Variants in CSGALNACT1 observed in about 807,000 individuals in gnomAD.
The protein encoded by CSGALNACT1 is beta4GalNAcT-1.
A neutral mutation model predicts 51.0 loss-of-function variants in CSGALNACT1; 52 were observed. The observed-to-expected ratio is 1.02, with a 90% CI of 0.82 to 1.29. The LOEUF is 1.29. CSGALNACT1 is among the 50% of genes most tolerant of loss of function. The pLI is 0.00. For missense variants in CSGALNACT1, 935 were observed against 679.2 expected (o/e 1.38, Z -4.19); for synonymous variants, 341 against 254.4 (o/e 1.34, Z -3.24).
At chr8:19,409,515 AG>A in intron 8 of CSGALNACT1, among the ~76,000 whole-genome samples, 2 of 152,134 alleles carry the variant, frequency 1.3e-5, no homozygotes, top group Non-Finnish European at 2.9e-5. Flanking sequence ...AGAGAGAGAG[AG>A]AGAGAAACAC....
chr8:19,544,072 TA>T (rs2085902644), intron 3 of CSGALNACT1, among the ~76,000 whole-genome samples: 1 of 148,606 alleles, frequency 6.7e-6, no homozygotes, highest in Non-Finnish European at 1.5e-5. Context: ...TGTGGGGACA[TA>T]ACTTTTTTTT....
chr8:19,724,972 C>A (rs1226643864), intron 1 of CSGALNACT1, among the ~76,000 whole-genome samples: 1 of 152,188 alleles, frequency 6.6e-6, no homozygotes, highest in African/African-American at 2.4e-5. Flanking sequence ...CTCTGAGAGC[C>A]CTGCTGCCCC....
chr8:19,689,815 G>T (rs546064911), intron 1 of CSGALNACT1, among the ~76,000 whole-genome samples: 8 of 152,306 alleles, frequency 5.3e-5, no homozygotes, highest in African/African-American at 1.7e-4. Flanking sequence ...TTAGCATAAA[G>T]AAGTCCCCTG....
intron 1 of CSGALNACT1, among the ~76,000 whole-genome samples, chr8:19,692,307 A>G (rs1474743864): frequency 6.6e-6 from 1 of 152,218 alleles, no homozygotes; most frequent in African/African-American, 2.4e-5. Context: ...AGCCTCCTGC[A>G]ATGTTACCTG....
intron 6 of CSGALNACT1, among the ~76,000 whole-genome samples, chr8:19,439,127 C>G (rs1462218419): frequency 6.6e-6 from 1 of 152,222 alleles, no homozygotes; most frequent in Non-Finnish European, 1.5e-5. Flanking sequence ...GGCTTACATA[C>G]TGGTAGAAGA....
chr8:19,449,191 G>A (rs2062650654), intron 5 of CSGALNACT1, among the ~76,000 whole-genome samples: 1 of 152,090 alleles, frequency 6.6e-6, no homozygotes, highest in Non-Finnish European at 1.5e-5. Flanking sequence ...TTGGATGGAT[G>A]TTCATACATA....
At chr8:19,667,305 C>G (rs1468543965) in intron 1 of CSGALNACT1, among the ~76,000 whole-genome samples, 2 of 150,844 alleles carry the variant, frequency 1.3e-5, no homozygotes, top group East Asian at 1.9e-4. Flanking sequence ...TGTTGTGGCA[C>G]ATGCCCCTCA....
chr8:19,507,709 T>A (rs550052056), intron 3 of CSGALNACT1, among the ~76,000 whole-genome samples: 2 of 152,234 alleles, frequency 1.3e-5, no homozygotes, highest in East Asian at 3.9e-4. Context: ...CTCACTGCCA[T>A]CTCTGCCTCC....
At chr8:19,616,034 G>A (rs1450868344) in intron 1 of CSGALNACT1, among the ~76,000 whole-genome samples, 1 of 152,036 alleles carries the variant, frequency 6.6e-6, no homozygotes, top group Non-Finnish European at 1.5e-5. Context: ...AGACACTGTG[G>A]ATATACAAGA....
At chr8:19,578,006 T>C (rs2044671350) in intron 3 of CSGALNACT1, among the ~76,000 whole-genome samples, 1 of 152,186 alleles carries the variant, frequency 6.6e-6, no homozygotes, top group African/African-American at 2.4e-5. Flanking sequence ...CCACACTGAC[T>C]GGAGCAATGG....
chr8:19,684,291 G>A (rs79115865), upstream of CSGALNACT1, among the ~76,000 whole-genome samples: 1 of 152,134 alleles, frequency 6.6e-6, no homozygotes, highest in African/African-American at 2.4e-5. Context: ...ATATGGTAAA[G>A]GTGGCATTTC....
chr8:19,477,618 G>T (rs2070082489), intron 4 of CSGALNACT1, among the ~76,000 whole-genome samples: 1 of 152,126 alleles, frequency 6.6e-6, no homozygotes, highest in Non-Finnish European at 1.5e-5. Context: ...AAACTAAATG[G>T]TCTTCATATC....
intron 1 of CSGALNACT1, among the ~76,000 whole-genome samples, chr8:19,669,011 C>T (rs944543502): frequency 6.6e-6 from 1 of 152,204 alleles, no homozygotes; most frequent in Admixed American, 6.5e-5. Flanking sequence ...AGAAAAACAA[C>T]TTATTACAGA....
intron 1 of CSGALNACT1, among the ~76,000 whole-genome samples, chr8:19,635,811 T>G (rs1330938755): frequency 6.6e-6 from 1 of 152,146 alleles, no homozygotes; most frequent in Non-Finnish European, 1.5e-5. Context: ...CATTGCAACC[T>G]CTGCCTCCCG....
intron 1 of CSGALNACT1, among the ~76,000 whole-genome samples, chr8:19,656,548 C>T (rs1245953581): frequency 3.3e-5 from 5 of 151,414 alleles, no homozygotes; most frequent in South Asian, 4.2e-4. Flanking sequence ...CACGTGTACG[C>T]GCATGCACAC....
chr8:19,644,709 CAAA>C (rs756025465), intron 1 of CSGALNACT1, among the ~76,000 whole-genome samples: 2 of 22,272 alleles, frequency 9.0e-5, no homozygotes, highest in Non-Finnish European at 1.9e-4. Context: ...GACTCCGTCT[CAAA>C]AAAAAAAAAA....
rs1202186669 is a variant in CSGALNACT1, at chr8:19,501,618, C to G, written c.634+3583G>C. On this transcript the variant is annotated intron_variant, in intron 4 of 9. Coordinates refer to ENST00000454498, the Ensembl canonical transcript of CSGALNACT1. ...AGCAAACCCATGGAAATGGTAGACA[C>G]AAATGCCTCACATAGGGGTCACATT... is the stretch of plus-strand genomic sequence containing the variant. 2.6e-5 allele frequency among the ~76,000 whole-genome samples: 4 copies of G among 152,316 alleles called. No homozygotes were observed. In the South Asian group the frequency reaches 6.2e-4, roughly 24 times the overall value.
At chr8:19,632,936 T>C (rs1324289165) in intron 1 of CSGALNACT1, among the ~76,000 whole-genome samples, 2 of 150,588 alleles carry the variant, frequency 1.3e-5, no homozygotes, top group Admixed American at 6.6e-5. Flanking sequence ...TTTTTCTTTT[T>C]TTTTTTTTTT....
intron 3 of CSGALNACT1, among the ~76,000 whole-genome samples, chr8:19,570,140 T>C (rs2042702424): frequency 6.6e-6 from 1 of 151,764 alleles, no homozygotes; most frequent in African/African-American, 2.4e-5. Context: ...ATTTGTGTGG[T>C]GATTAAACAG....
Sources: allele counts gnomAD v4.1 joint callset (sites outside exome capture counted in the v4.1 genomes callset), GRCh38; gene constraint gnomAD v4.1.1; transcripts MANE v1.5; gene names NCBI Gene and HGNC (gene_info 2026-07-23, HGNC 2026-07-21).